PDZRN3: variants seen among roughly 807,000 people sequenced by gnomAD.
PDZRN3 encodes the protein PDZ domain containing ring finger 3, also known as E3 ubiquitin-protein ligase PDZRN3.
PDZRN3 carries 38 observed loss-of-function variants against 85.7 expected under a neutral mutation model. The ratio of observed to expected loss-of-function variants is 0.44; its 90% CI spans 0.34 to 0.58. PDZRN3 has a LOEUF of 0.58. PDZRN3 is among the 20% of genes least tolerant of loss of function. The pLI, the probability that PDZRN3 is intolerant of heterozygous loss-of-function variation, is 0.01. For missense variants in PDZRN3, 1,629 were observed against 1,506.4 expected (o/e 1.08, Z -1.35); for synonymous variants, 759 against 638.0 (o/e 1.19, Z -2.86).
intron 3 of PDZRN3, among the ~76,000 whole-genome samples, chr3:73,597,625 C>A (rs1702449638): frequency 6.6e-6 from 1 of 151,888 alleles, no homozygotes; most frequent in Non-Finnish European, 1.5e-5. Flanking sequence ...GTTCTCCAAG[C>A]CATATGGCTT....
chr3:73,428,956 T>C (rs1169620369), intron 3 of PDZRN3, among the ~76,000 whole-genome samples: 2 of 152,012 alleles, frequency 1.3e-5, no homozygotes, highest in Non-Finnish European at 2.9e-5. Context: ...TGGAATGCAG[T>C]GGCACCAGCA....
At chr3:73,473,318 C>T (rs2106890136) in intron 3 of PDZRN3, among the ~76,000 whole-genome samples, 1 of 152,110 alleles carries the variant, frequency 6.6e-6, no homozygotes, top group African/African-American at 2.4e-5. Flanking sequence ...TACCATTAGC[C>T]ACATCCTTCC....
intron 7 of PDZRN3, among the ~76,000 whole-genome samples, chr3:73,389,516 T>C (rs1701475813): frequency 6.6e-6 from 1 of 152,196 alleles, no homozygotes. Context: ...TCACTGATGT[T>C]TGTTTTGATC....
rs1256658407 is a variant in PDZRN3, at chr3:73,384,970, C to T, written c.1636-40G>A. On this transcript the variant is annotated intron_variant, in intron 9 of 9. Coordinates refer to ENST00000263666, the MANE Select transcript of PDZRN3 (RefSeq NM_015009.3). ...GAACAAAGGGTCACAGTGAGGGAGGCCTGCGCAGCAGGTACTCAGGTTTGA... is the reference window on the plus strand; with the variant it reads ...GAACAAAGGGTCACAGTGAGGGAGGTCTGCGCAGCAGGTACTCAGGTTTGA... 2.6e-6 allele frequency: 4 copies of T among 1,549,448 alleles called. No homozygotes were observed. In the South Asian group the frequency reaches 3.8e-5, roughly 15 times the overall value.
At chr3:73,555,891 T>C (rs953509934) in intron 3 of PDZRN3, among the ~76,000 whole-genome samples, 2 of 152,192 alleles carry the variant, frequency 1.3e-5, no homozygotes, top group Non-Finnish European at 2.9e-5. Context: ...CTTATTGTTC[T>C]TACACACATA....
intron 1 of PDZRN3, among the ~76,000 whole-genome samples, chr3:73,615,195 A>G (rs1184084793): frequency 6.6e-6 from 1 of 152,224 alleles, no homozygotes; most frequent in Non-Finnish European, 1.5e-5. Context: ...AAGACGTTTC[A>G]GTACTTTCCT....
At chr3:73,506,439 G>A (rs1164569771) in intron 3 of PDZRN3, among the ~76,000 whole-genome samples, 1 of 152,148 alleles carries the variant, frequency 6.6e-6, no homozygotes, top group Non-Finnish European at 1.5e-5. Flanking sequence ...GCCCAGCCCA[G>A]TAACAGGGAA....
chr3:73,526,474 C>T (rs1704526360), intron 3 of PDZRN3, among the ~76,000 whole-genome samples: 1 of 152,170 alleles, frequency 6.6e-6, no homozygotes, highest in African/African-American at 2.4e-5. Context: ...ACATTATCTC[C>T]ATTACATCTC....
intron 3 of PDZRN3, among the ~76,000 whole-genome samples, chr3:73,456,467 C>A (rs1315948163): frequency 6.6e-6 from 1 of 152,176 alleles, no homozygotes; most frequent in East Asian, 1.9e-4. Flanking sequence ...AAAATAATGT[C>A]TATTGCTACA....
chr3:73,569,940 G>A (rs1702021288), intron 3 of PDZRN3, among the ~76,000 whole-genome samples: 1 of 152,180 alleles, frequency 6.6e-6, no homozygotes, highest in African/African-American at 2.4e-5. Flanking sequence ...TAAAAGGCAG[G>A]AGGCAGACAG....
chr3:73,472,709 T>G (rs2106888793), intron 3 of PDZRN3, among the ~76,000 whole-genome samples: 1 of 152,346 alleles, frequency 6.6e-6, no homozygotes, highest in East Asian at 1.9e-4. Context: ...CACTTTCCAT[T>G]ATTAAACCTT....
In PDZRN3 at chr3:73,384,691, G is replaced by C. The variant is rs573137126; in HGVS notation, c.1875C>G (p.Phe625Leu). Residue 625 changes from phenylalanine (F) to leucine (L), a missense_variant, in exon 10 of 10, where the codon TTC becomes TTG. Coordinates refer to ENST00000263666, the MANE Select transcript of PDZRN3 (RefSeq NM_015009.3). Reference sequence around the variant, plus strand: ...CGGCGTCCGTGCAGTCGGCCGAAATGAAAGACTCGTTGCTGAAGGGCAGGT... The same window carrying C: ...CGGCGTCCGTGCAGTCGGCCGAAATCAAAGACTCGTTGCTGAAGGGCAGGT... The part of the protein sequence containing the change: ...SGDLPFSNES[F>L]ISADCTDADY... 1 of 1,613,930 alleles carries C rather than the reference G, an allele frequency of 6.2e-7. No homozygotes were observed. The highest frequency in any genetic ancestry group is 1.3e-5 in the African/African-American group (1 of 74,938).
chr3:73,592,465 G>GGAAAGAAGGAAGCAAT (rs1702372264), intron 3 of PDZRN3, among the ~76,000 whole-genome samples: 1 of 152,016 alleles, frequency 6.6e-6, no homozygotes, highest in Non-Finnish European at 1.5e-5. Flanking sequence ...AGGGTTAGCA[G>GGAAAGAAGGAAGCAAT]GAAAGAAGGA....
chr3:73,511,007 C>G (rs960057961), intron 3 of PDZRN3, among the ~76,000 whole-genome samples: 1 of 152,096 alleles, frequency 6.6e-6, no homozygotes, highest in African/African-American at 2.4e-5. Flanking sequence ...CTCTACAGTT[C>G]TGACATGAAA....
chr3:73,589,586 A>T (rs1036079168), intron 3 of PDZRN3, among the ~76,000 whole-genome samples: 3 of 152,210 alleles, frequency 2.0e-5, no homozygotes, highest in Admixed American at 2.0e-4. Flanking sequence ...TACTAAGTCT[A>T]TCAAGCAAAT....
At chr3:73,476,533 G>A (rs1208892579) in intron 3 of PDZRN3, among the ~76,000 whole-genome samples, 1 of 152,172 alleles carries the variant, frequency 6.6e-6, no homozygotes, top group Non-Finnish European at 1.5e-5. Context: ...ACCATATCAG[G>A]TAGTATGTTC....
chr3:73,599,449 G>GT (rs886668316), intron 3 of PDZRN3, among the ~76,000 whole-genome samples: 9 of 152,214 alleles, frequency 5.9e-5, no homozygotes, highest in Non-Finnish European at 1.0e-4. Flanking sequence ...TTAGTATTTA[G>GT]TGAGTGTAGA....
chr3:73,549,106 T>C (rs1028484297), intron 3 of PDZRN3, among the ~76,000 whole-genome samples: 6 of 152,200 alleles, frequency 3.9e-5, no homozygotes, highest in Admixed American at 1.3e-4. Context: ...TTGATAATAA[T>C]GTTAAGCTTA....
At chr3:73,492,331 A>G (rs1703787067) in intron 3 of PDZRN3, among the ~76,000 whole-genome samples, 2 of 152,150 alleles carry the variant, frequency 1.3e-5, no homozygotes, top group African/African-American at 2.4e-5. Context: ...AGTAGCTTAT[A>G]TCATAGGCTG....
Sources: allele counts gnomAD v4.1 joint callset (sites outside exome capture counted in the v4.1 genomes callset), GRCh38; gene constraint gnomAD v4.1.1; transcripts MANE v1.5; gene names NCBI Gene and HGNC (gene_info 2026-07-23, HGNC 2026-07-21).